Variants in CADM2 observed in about 807,000 individuals in gnomAD.
CADM2 encodes the protein immunoglobulin superfamily member 4D.
In CADM2, 12 loss-of-function variants were observed where a neutral mutation model predicts 49.8. The ratio of observed to expected loss-of-function variants is 0.24; its 90% CI spans 0.15 to 0.39. The LOEUF (loss-of-function observed/expected upper bound fraction) is 0.39. CADM2 is among the 10% of genes least tolerant of loss of function. CADM2 has a pLI of 1.00. For missense variants in CADM2, 378 were observed against 492.3 expected (o/e 0.77, Z 2.20); for synonymous variants, 214 against 175.4 (o/e 1.22, Z -1.74).
chr3:85,909,401 A>AATATATATAT (rs59251646), intron 5 of CADM2, among the ~76,000 whole-genome samples: 4,042 of 147,294 alleles, frequency 0.027, 64 homozygotes, highest in Middle Eastern at 0.039. Flanking sequence ...TGTAAAATGA[A>AATATATATAT]ATATATATAT....
At position 85,236,597 on chromosome 3, in the gene CADM2, T is replaced by C. The variant is rs146179708; in HGVS notation, c.61+276929T>C. On this transcript the variant is annotated intron_variant, in intron 1 of 9. Coordinates refer to ENST00000383699, the MANE Select transcript of CADM2 (RefSeq NM_001167675.2). Reference sequence around the variant, plus strand: ...TGTGATGAAAGATAATGATGTGATTTAAATATTTTTTAAGGAAATCATTTT... The same window carrying C: ...TGTGATGAAAGATAATGATGTGATTCAAATATTTTTTAAGGAAATCATTTT... Among the ~76,000 whole-genome samples, 681 of 152,290 alleles carry C rather than the reference T, an allele frequency of 4.5e-3. 1 individual carries two copies. Among genetic ancestry groups the C allele is most frequent in the Middle Eastern group, 0.017 (5 of 294 alleles).
At chr3:85,906,319 A>G (rs1716806223) in intron 5 of CADM2, among the ~76,000 whole-genome samples, 1 of 151,898 alleles carries the variant, frequency 6.6e-6, no homozygotes, top group African/African-American at 2.4e-5. Context: ...ATAACATTTA[A>G]GATACATTTT....
intron 1 of CADM2, among the ~76,000 whole-genome samples, chr3:85,571,622 T>C (rs528702306): frequency 3.3e-5 from 5 of 152,252 alleles, no homozygotes; most frequent in Admixed American, 2.6e-4. Context: ...ATATAGCACA[T>C]TGAATTCTTA....
chr3:85,618,520 T>C (rs2107478471), intron 1 of CADM2, among the ~76,000 whole-genome samples: 1 of 152,266 alleles, frequency 6.6e-6, no homozygotes, highest in East Asian at 1.9e-4. Context: ...GTACTGTTGC[T>C]TAATTCTCTT....
intron 8 of CADM2, among the ~76,000 whole-genome samples, chr3:86,023,119 G>T (rs889041497): frequency 6.6e-6 from 1 of 152,060 alleles, no homozygotes; most frequent in East Asian, 1.9e-4. Context: ...AGTATAAAAA[G>T]GGAGGAAAAA....
chr3:85,757,211 T>C (rs895545325), intron 2 of CADM2, among the ~76,000 whole-genome samples: 3 of 152,096 alleles, frequency 2.0e-5, no homozygotes, highest in Non-Finnish European at 2.9e-5. Context: ...ACATTTGCAA[T>C]GATATTAGAA....
chr3:85,454,976 G>T (rs1219724191), intron 1 of CADM2, among the ~76,000 whole-genome samples: 1 of 152,162 alleles, frequency 6.6e-6, no homozygotes, highest in Non-Finnish European at 1.5e-5. Context: ...GTAAGTCATT[G>T]CAGATAGAAA....
intron 1 of CADM2, among the ~76,000 whole-genome samples, chr3:85,214,542 C>G (rs999976359): frequency 1.3e-5 from 2 of 152,066 alleles, no homozygotes; most frequent in Admixed American, 6.6e-5. Context: ...CCCCCACCCC[C>G]CAACCCTGGT....
At chr3:85,768,624 C>A (rs2069805181) in intron 2 of CADM2, among the ~76,000 whole-genome samples, 1 of 147,636 alleles carries the variant, frequency 6.8e-6, no homozygotes, top group Non-Finnish European at 1.5e-5. Context: ...ATTTACTTCC[C>A]AGTTTGAAAA....
At chr3:85,306,403 A>G (rs2044213884) in intron 1 of CADM2, among the ~76,000 whole-genome samples, 1 of 151,766 alleles carries the variant, frequency 6.6e-6, no homozygotes. Context: ...ATTGTATTCT[A>G]TATAGATCTC....
chr3:85,728,136 T>C (rs1313146654), intron 2 of CADM2, among the ~76,000 whole-genome samples: 1 of 152,170 alleles, frequency 6.6e-6, no homozygotes, highest in African/African-American at 2.4e-5. Flanking sequence ...CATTTCATCA[T>C]TGGAGAATTA....
chr3:85,092,138 A>T (rs1020581910), intron 1 of CADM2, among the ~76,000 whole-genome samples: 2 of 152,174 alleles, frequency 1.3e-5, no homozygotes, highest in Admixed American at 1.3e-4. Flanking sequence ...AATAATAAAA[A>T]CAATGCGCCC....
At chr3:85,983,202 C>G (rs1407990118) in intron 8 of CADM2, among the ~76,000 whole-genome samples, 2 of 151,622 alleles carry the variant, frequency 1.3e-5, no homozygotes, top group Admixed American at 1.3e-4. Flanking sequence ...GTGTCATAAA[C>G]TTGAGAATTT....
At position 85,839,404 on chromosome 3, in the gene CADM2, T is replaced by A. The variant is rs550186061; in HGVS notation, c.238+37208T>A. Among the ~76,000 whole-genome samples the A allele has an allele frequency of 2.0e-5, 3 of 152,028 alleles. No individual in the cohort carries two copies. In the East Asian group the frequency reaches 5.8e-4, roughly 29 times the overall value. ...TACTCTCTCTGTCTATATATTTTCC[T>A]CTGTACTTAGATCTTACATAAAAGG... On this transcript the variant is annotated intron_variant, in intron 3 of 9. Coordinates refer to ENST00000383699, the MANE Select transcript of CADM2 (RefSeq NM_001167675.2).
chr3:85,151,358 T>C (rs573073946), intron 1 of CADM2, among the ~76,000 whole-genome samples: 161 of 152,282 alleles, frequency 1.1e-3, no homozygotes, highest in African/African-American at 3.7e-3. Flanking sequence ...TTACTTGAGA[T>C]GGCCTTTTTC....
intron 1 of CADM2, among the ~76,000 whole-genome samples, chr3:85,255,076 A>G (rs1450552734): frequency 6.6e-6 from 1 of 152,150 alleles, no homozygotes. Flanking sequence ...TTTCTAAAAT[A>G]TCATTTGCAT....
intron 1 of CADM2, among the ~76,000 whole-genome samples, chr3:85,568,419 C>CTCTCTCTCTTTCTTTCTTTCTTTCTT (rs2062344663): frequency 3.3e-5 from 1 of 30,402 alleles, no homozygotes; most frequent in Non-Finnish European, 6.6e-5. Context: ...TTCTTTCTTT[C>CTCTCTCTCTTTCTTTCTTTCTTTCTT]TTTCTTTCTT....
intron 1 of CADM2, among the ~76,000 whole-genome samples, chr3:85,019,991 A>G (rs1220709028): frequency 6.6e-6 from 1 of 152,156 alleles, no homozygotes; most frequent in Non-Finnish European, 1.5e-5. Context: ...ACAAATACAA[A>G]GATATATGTT....
chr3:85,666,135 T>C (rs1307502599), intron 1 of CADM2, among the ~76,000 whole-genome samples: 1 of 151,946 alleles, frequency 6.6e-6, no homozygotes, highest in African/African-American at 2.4e-5. Flanking sequence ...TGAACTCCCA[T>C]TCACAATTTC....
Sources: gnomAD v4.1 joint callset for allele counts (sites outside exome capture counted in the v4.1 genomes callset) on GRCh38, gnomAD v4.1.1 for gene constraint, MANE v1.5 for transcripts, NCBI Gene and HGNC (gene_info 2026-07-23, HGNC 2026-07-21) for gene names.